Variants in NIBAN1 observed in about 807,000 individuals in gnomAD.
NIBAN1 encodes protein Niban 1.
In NIBAN1, 81 loss-of-function variants were observed where a neutral mutation model predicts 75.1. The observed-to-expected ratio is 1.08, with a 90% CI of 0.90 to 1.30. The LOEUF (loss-of-function observed/expected upper bound fraction) is 1.30. Ranked by LOEUF, NIBAN1 falls within the 50% of genes most tolerant of loss-of-function variation. The pLI is 0.00. For synonymous variants in NIBAN1, 436 were observed against 424.8 expected, an observed-to-expected ratio of 1.03 and a Z score of -0.32; for missense variants, 1,133 against 1,128.1, an observed-to-expected ratio of 1.00 and a Z score of -0.06.
chr1:184,830,217 T>A (rs1271051668), intron 6 of NIBAN1, among the ~76,000 whole-genome samples: 3 of 152,224 alleles, frequency 2.0e-5, no homozygotes, highest in African/African-American at 7.2e-5. Flanking sequence ...CACCATTAGG[T>A]TTCGAACATT....
chr1:184,835,989 A>G (rs564919854), intron 5 of NIBAN1, among the ~76,000 whole-genome samples: 1 of 152,224 alleles, frequency 6.6e-6, no homozygotes, highest in Non-Finnish European at 1.5e-5. Context: ...TTTGTCATAA[A>G]TAGCTCTTAT....
chr1:184,842,690 T>C (rs1571511177), intron 5 of NIBAN1, among the ~76,000 whole-genome samples: 1 of 117,222 alleles, frequency 8.5e-6, no homozygotes, highest in Non-Finnish European at 1.9e-5. Flanking sequence ...GAGGCGGAGG[T>C]TGCAGTGAGC....
intron 5 of NIBAN1, among the ~76,000 whole-genome samples, chr1:184,861,827 T>C (rs916327179): frequency 4.0e-5 from 6 of 148,964 alleles, no homozygotes; most frequent in African/African-American, 1.5e-4. Context: ...GGGAGGGAAG[T>C]AGGGAGGTAG....
At chr1:184,910,693 T>A (rs904479809) in intron 1 of NIBAN1, among the ~76,000 whole-genome samples, 1 of 152,188 alleles carries the variant, frequency 6.6e-6, no homozygotes, top group South Asian at 2.1e-4. Context: ...GTTTGAGCCA[T>A]GGGATGCCAA....
chr1:184,917,268 G>A (rs1657410659), intron 1 of NIBAN1, among the ~76,000 whole-genome samples: 2 of 149,468 alleles, frequency 1.3e-5, no homozygotes, highest in African/African-American at 4.9e-5. Context: ...GCAGTGGCGC[G>A]ATCTCAGCTC....
At chr1:184,868,030 A>G in intron 5 of NIBAN1, 2 of 985,476 alleles carry the variant, frequency 2.0e-6, no homozygotes, top group Non-Finnish European at 2.4e-6. Context: ...TGGTGATTGC[A>G]TGAGCCATGC....
At chr1:184,835,641 G>C (rs1419839943) in intron 5 of NIBAN1, among the ~76,000 whole-genome samples, 3 of 152,146 alleles carry the variant, frequency 2.0e-5, no homozygotes, top group Non-Finnish European at 4.4e-5. Flanking sequence ...TTGGCTCTCT[G>C]TTTGTCTGTT....
In NIBAN1 at chr1:184,796,080, T is replaced by G. The variant is rs1412878209; in HGVS notation, c.1684A>C (p.Ile562Leu). ...TCAAATAAGTTGTGTTTCTTCAAGA[T>G]AGCAGCTTCCTTTATCACTGAGAGA... is the stretch of plus-strand genomic sequence containing the variant. Reference protein sequence around the residue: ...ETLKVIKEAAILKKHNLFEDN... With the variant: ...ETLKVIKEAALLKKHNLFEDN... The change falls in exon 14 of 14, where the codon ATC becomes CTC. Residue 562 changes from isoleucine to leucine, a missense_variant. Physicochemically the swap from Ile to Leu is conservative, Grantham distance 5. Coordinates refer to ENST00000367511, the MANE Select transcript of NIBAN1 (RefSeq NM_052966.4). The G allele has an allele frequency of 3.9e-6, 6 of 1,543,252 alleles. No homozygotes were observed. The Admixed American group carries it at 1.2e-4, about 31-fold the overall frequency.
chr1:184,948,941 G>A (rs1039424557), intron 1 of NIBAN1, among the ~76,000 whole-genome samples: 1 of 152,088 alleles, frequency 6.6e-6, no homozygotes. Flanking sequence ...GTTTTATGTA[G>A]TAATTTAGAA....
At chr1:184,858,688 C>A (rs111801875) in intron 5 of NIBAN1, among the ~76,000 whole-genome samples, 1 of 152,120 alleles carries the variant, frequency 6.6e-6, no homozygotes. Context: ...TCTCTCTTCA[C>A]GGGCACTGCC....
At chr1:184,962,126 A>G (rs992043698) in intron 1 of NIBAN1, among the ~76,000 whole-genome samples, 3 of 152,250 alleles carry the variant, frequency 2.0e-5, no homozygotes. Context: ...TGTGAAACAA[A>G]GAGTGAATGA....
intron 6 of NIBAN1, among the ~76,000 whole-genome samples, chr1:184,828,808 CA>C (rs1477554341): frequency 6.5e-4 from 61 of 94,550 alleles, no homozygotes; most frequent in African/African-American, 1.9e-3. Context: ...GAAGCAAAAC[CA>C]TTTTTTTTTT....
chr1:184,791,170 G>A lies in NIBAN1; in HGVS notation c.*3807C>T. 2.4e-6 allele frequency: 1 copy of A among 413,088 alleles called. No homozygotes were observed. The highest frequency in any genetic ancestry group is 4.9e-6 in the Non-Finnish European group (1 of 205,186). The allele number at this position is 413,088 out of a possible 1,614,324, so 25.6% of individuals were successfully genotyped here. A position where few individuals can be genotyped will look rare whatever the true frequency, so the allele number is the denominator to read the frequency against. On this transcript the variant is annotated 3_prime_UTR_variant, in exon 14 of 14. Coordinates refer to ENST00000367511, the MANE Select transcript of NIBAN1 (RefSeq NM_052966.4). ...GTCGATTTTTTTTCTTGAAGTTGCA[G>A]ACTTTAGAAGGCAAACCCTCAAACC... is the stretch of plus-strand genomic sequence containing the variant.
At chr1:184,955,359 T>TTCC (rs1557929596) in intron 1 of NIBAN1, among the ~76,000 whole-genome samples, 1 of 150,978 alleles carries the variant, frequency 6.6e-6, no homozygotes, top group African/African-American at 2.4e-5. Flanking sequence ...TTCCTTTCCT[T>TTCC]TTCTTTTTTG....
chr1:184,858,714 C>T (rs1174791948), intron 5 of NIBAN1, among the ~76,000 whole-genome samples: 1 of 152,126 alleles, frequency 6.6e-6, no homozygotes, highest in Non-Finnish European at 1.5e-5. Flanking sequence ...GAAATAAGAA[C>T]ATGAGGATAT....
At position 184,890,144 on chromosome 1, in the gene NIBAN1, T is replaced by C; in HGVS notation, c.397A>G (p.Asn133Asp). ...GGGAAATGCCTGTCAGACAACAGATTATATTCATCTTCTGAGGTTAACACC... is the reference window on the plus strand; with the variant it reads ...GGGAAATGCCTGTCAGACAACAGATCATATTCATCTTCTGAGGTTAACACC... ...GKVLTSEDEYNLLSDRHFPDP... is the reference protein window; with the variant it reads ...GKVLTSEDEYDLLSDRHFPDP... Residue 133 changes from asparagine to aspartate, a missense_variant, in exon 4 of 14, where the codon AAT (asparagine) becomes GAT (aspartate). Physicochemically the swap from Asn to Asp is conservative, Grantham distance 23. Coordinates refer to ENST00000367511, the MANE Select transcript of NIBAN1 (RefSeq NM_052966.4). The C allele has an allele frequency of 6.2e-7, 1 of 1,613,878 alleles. No individual in the cohort carries two copies. Among genetic ancestry groups the C allele is most frequent in the Non-Finnish European group, 8.5e-7 (1 of 1,179,818 alleles).
intron 1 of NIBAN1, among the ~76,000 whole-genome samples, chr1:184,956,195 A>G (rs753317235): frequency 2.6e-5 from 4 of 151,918 alleles, no homozygotes; most frequent in Non-Finnish European, 4.4e-5. Context: ...CATTTGGCTC[A>G]TTTTTGTTTT....
intron 1 of NIBAN1, among the ~76,000 whole-genome samples, chr1:184,957,584 G>A (rs556116345): frequency 6.6e-6 from 1 of 152,334 alleles, no homozygotes; most frequent in East Asian, 1.9e-4. Context: ...AAGGCCTGAT[G>A]CCATTACTGA....
intron 1 of NIBAN1, among the ~76,000 whole-genome samples, chr1:184,917,368 A>ATT (rs1168037153): frequency 0.012 from 1,049 of 89,064 alleles, 20 homozygotes; most frequent in East Asian, 0.08. Flanking sequence ...CGCCCGGCTA[A>ATT]TTTTTTTTTT....
Sources: allele counts gnomAD v4.1 joint callset (sites outside exome capture counted in the v4.1 genomes callset), GRCh38; gene constraint gnomAD v4.1.1; transcripts MANE v1.5; gene names NCBI Gene and HGNC (gene_info 2026-07-23, HGNC 2026-07-21).